The following BAIAP2 variants were observed in gnomAD, a reference collection of about 807,000 sequenced individuals.
BAIAP2 encodes BAR/IMD domain containing adaptor protein 2, also known as BAR/IMD domain-containing adapter protein 2.
BAIAP2 carries 18 observed loss-of-function variants against 63.0 expected under a neutral mutation model. The ratio of observed to expected loss-of-function variants is 0.29; its 90% CI spans 0.20 to 0.42. The LOEUF is 0.42. Among genes scored for constraint, BAIAP2 ranks in the 10% least tolerant of loss-of-function variants. BAIAP2 has a pLI of 1.00. For synonymous variants in BAIAP2, 386 were observed against 307.6 expected, an observed-to-expected ratio of 1.25 and a Z score of -2.67; for missense variants, 610 against 734.3, an observed-to-expected ratio of 0.83 and a Z score of 1.96.
chr17:81,091,561 C>T (rs997841316), intron 6 of BAIAP2, among the ~76,000 whole-genome samples: 7 of 152,192 alleles, frequency 4.6e-5, no homozygotes, highest in East Asian at 3.9e-4. Context: ...GGGTCACTGG[C>T]GACCATAGCA....
At chr17:81,090,334 C>T (rs1043537229) in intron 6 of BAIAP2, among the ~76,000 whole-genome samples, 7 of 152,158 alleles carry the variant, frequency 4.6e-5, no homozygotes, top group Admixed American at 1.3e-4. Flanking sequence ...ACGGTGCCTG[C>T]GTGGGGGCTC....
intron 13 of BAIAP2, among the ~76,000 whole-genome samples, chr17:81,113,878 G>A (rs1008820663): frequency 6.6e-6 from 1 of 152,142 alleles, no homozygotes; most frequent in South Asian, 2.1e-4. Flanking sequence ...CTGTGATTCG[G>A]GGCAGGAGTG....
intron 3 of BAIAP2, among the ~76,000 whole-genome samples, chr17:81,071,868 C>T (rs980065371): frequency 1.3e-5 from 2 of 152,248 alleles, no homozygotes; most frequent in African/African-American, 4.8e-5. Context: ...GTGGCCGGTC[C>T]CCTCCTCCAG....
At chr17:81,110,382 A>G (rs1371172446) in intron 13 of BAIAP2, 1 of 987,222 alleles carries the variant, frequency 1.0e-6, no homozygotes, top group East Asian at 1.1e-4. Flanking sequence ...GTAGACACAA[A>G]ACAGCAACAC....
At position 81,116,012 on chromosome 17, in the gene BAIAP2, G is replaced by C; in HGVS notation, c.*173G>C. 1 of 1,462,286 alleles carries C rather than the reference G, an allele frequency of 6.8e-7. No individual in the cohort carries two copies. 90.6% of individuals were successfully genotyped at this position (1,462,286 alleles called of 1,614,324 possible). The stretch of plus-strand genomic sequence containing the variant: ...TCCCAGCTGTTCTAGGCAGGGCCGG[G>C]CAGAGTGGGGCGCAGGCCCCTGAAG... On this transcript the variant is annotated 3_prime_UTR_variant, in exon 14 of 14. Transcript: ENST00000428708.
At chr17:81,074,473 C>G (rs1247650280) in intron 3 of BAIAP2, among the ~76,000 whole-genome samples, 1 of 148,770 alleles carries the variant, frequency 6.7e-6, no homozygotes, top group Non-Finnish European at 1.5e-5. Context: ...TGTGCATGCA[C>G]GGATACATGT....
intron 10 of BAIAP2, chr17:81,105,043 CT>C: frequency 4.0e-6 from 1 of 250,106 alleles, no homozygotes; most frequent in Non-Finnish European, 8.0e-6. Context: ...TGGCAGGGGT[CT>C]TTCCCCATGG....
In BAIAP2 at chr17:81,099,017, C is replaced by T. The variant is rs569614868; in HGVS notation, c.490-911C>T. Among the ~76,000 whole-genome samples the T allele has an allele frequency of 3.8e-5, 5 of 131,828 alleles. No individual in the cohort carries two copies. In the South Asian group the frequency reaches 1.2e-3, roughly 32 times the overall value. The allele number at this position is 131,828 out of a possible 152,430, so 86.5% of individuals were successfully genotyped here. A position where few individuals can be genotyped will look rare whatever the true frequency, so the allele number is the denominator to read the frequency against. The stretch of plus-strand genomic sequence containing the variant: ...CCATCCCCCCATCCCACGGGGACAC[C>T]CGGGTGGGCACTCAGGCAGCTCCAA... On this transcript the variant is annotated intron_variant, in intron 6 of 13. Coordinates refer to ENST00000428708, the MANE Select transcript of BAIAP2 (RefSeq NM_001144888.2).
In BAIAP2 at chr17:81,115,892, T is replaced by G; in HGVS notation, c.*53T>G. 2 of 1,607,466 alleles carry G rather than the reference T, an allele frequency of 1.2e-6. No homozygotes were observed. The highest frequency in any genetic ancestry group is 1.7e-5 in the Admixed American group (1 of 59,672). ...GGTGGCTTCCCCCGCCCTTCCCATG[T>G]AGCCTGTTCTGTCATCATCTGTGCG... On this transcript the variant is annotated 3_prime_UTR_variant, in exon 14 of 14. Transcript: ENST00000428708.
At chr17:81,058,244 A>G (rs954031944) in intron 3 of BAIAP2, among the ~76,000 whole-genome samples, 1 of 152,136 alleles carries the variant, frequency 6.6e-6, no homozygotes, top group African/African-American at 2.4e-5. Context: ...AGCGGCTGAC[A>G]TGGGGGTCTG....
At chr17:81,101,616 C>A (rs1006644580) in intron 7 of BAIAP2, among the ~76,000 whole-genome samples, 5 of 148,596 alleles carry the variant, frequency 3.4e-5, no homozygotes, top group Admixed American at 2.0e-4. Flanking sequence ...ACCACACTCT[C>A]ATGTACGTGC....
intron 6 of BAIAP2, among the ~76,000 whole-genome samples, chr17:81,090,568 G>A (rs1231731961): frequency 6.6e-6 from 1 of 152,252 alleles, no homozygotes; most frequent in Non-Finnish European, 1.5e-5. Context: ...AAGTGGTTTC[G>A]AAACAACATT....
chr17:81,057,643 G>C, intron 2 of BAIAP2: 1 of 1,302,532 alleles, frequency 7.7e-7, no homozygotes, highest in Non-Finnish European at 9.7e-7. Context: ...CTCAGGACCT[G>C]AACTGGTACG....
intron 3 of BAIAP2, among the ~76,000 whole-genome samples, chr17:81,066,818 G>A (rs1035204400): frequency 2.0e-5 from 3 of 152,174 alleles, no homozygotes; most frequent in African/African-American, 7.2e-5. Flanking sequence ...AGTGCACCCA[G>A]GGGCCCATGT....
rs544672900 is a variant in BAIAP2, at chr17:81,036,800, A to G, written c.54+1492A>G. ...TTGCTCTGTGGAAGCACATGTTGTC[A>G]AGGGAGGGAGGTTTATTAAATTATT... On this transcript the variant is annotated intron_variant, in intron 1 of 13. Coordinates refer to ENST00000428708, the MANE Select transcript of BAIAP2 (RefSeq NM_001144888.2). The G allele has an allele frequency of 9.4e-4, 1,294 of 1,382,988 alleles. 1 individual carries two copies. Among genetic ancestry groups the G allele is most frequent in the Non-Finnish European group, 1.2e-3 (1,223 of 1,008,462 alleles). The allele number at this position is 1,382,988 out of a possible 1,614,324, so 85.7% of individuals were successfully genotyped here.
At chr17:81,102,023 G>A (rs1242033497) in intron 7 of BAIAP2, among the ~76,000 whole-genome samples, 12 of 152,344 alleles carry the variant, frequency 7.9e-5, no homozygotes, top group Admixed American at 2.6e-4. Context: ...GATGGAGGGC[G>A]GGGAAGCCAG....
At chr17:81,098,767 C>T (rs1475078564) in intron 6 of BAIAP2, among the ~76,000 whole-genome samples, 2 of 152,166 alleles carry the variant, frequency 1.3e-5, no homozygotes, top group Non-Finnish European at 2.9e-5. Context: ...GACGTGACAG[C>T]CGCCATGGTC....
At chr17:81,073,149 C>T (rs915520045) in intron 3 of BAIAP2, among the ~76,000 whole-genome samples, 7 of 152,104 alleles carry the variant, frequency 4.6e-5, no homozygotes, top group African/African-American at 7.2e-5. Flanking sequence ...CCCCATGACC[C>T]TCCAGCGGCC....
At position 81,112,889 on chromosome 17, in the gene BAIAP2, A is replaced by C. The variant is rs1017526867; in HGVS notation, c.1536-2881A>C. 2.8e-4 allele frequency among the ~76,000 whole-genome samples: 41 copies of C among 146,968 alleles called. 1 individual carries two copies. Among genetic ancestry groups the C allele is most frequent in the Non-Finnish European group, 4.2e-4 (28 of 66,704 alleles). On this transcript the variant is annotated intron_variant, in intron 13 of 13. Coordinates refer to ENST00000428708, the MANE Select transcript of BAIAP2 (RefSeq NM_001144888.2). The stretch of plus-strand genomic sequence containing the variant: ...AACCTAGGGAGACCCCCATCTTGAC[A>C]AAAAAAAAAGTTAAAAATTAGCCAG...
Sources: allele counts gnomAD v4.1 joint callset (sites outside exome capture counted in the v4.1 genomes callset), GRCh38; gene constraint gnomAD v4.1.1; transcripts MANE v1.5; gene names NCBI Gene and HGNC (gene_info 2026-07-23, HGNC 2026-07-21).